The following PCNX2 variants were observed in gnomAD, a reference collection of about 807,000 sequenced individuals.
The protein encoded by PCNX2 is pecanex 2.
A neutral mutation model predicts 223.8 loss-of-function variants in PCNX2; 168 were observed. That is an observed-to-expected ratio of 0.75 (90% CI 0.66 to 0.85). The LOEUF is 0.85. Ranked by LOEUF, PCNX2 falls within the 40% of genes least tolerant of loss-of-function variation. The pLI, the probability that PCNX2 is intolerant of heterozygous loss-of-function variation, is 0.00. For synonymous variants in PCNX2, 1,006 were observed against 1,052.6 expected (o/e 0.96, Z 0.86); for missense variants, 2,507 against 2,675.5 (o/e 0.94, Z 1.39).
intron 1 of PCNX2, chr1:233,291,071 A>G (rs781186941): frequency 2.0e-6 from 2 of 985,376 alleles, no homozygotes; most frequent in Non-Finnish European, 2.4e-6. Flanking sequence ...CAGCCTTCAA[A>G]GTGCTCTTAT....
At position 233,156,200 on chromosome 1, in the gene PCNX2, T is replaced by C. The variant is rs115747383; in HGVS notation, c.3517+4083A>G. Among the ~76,000 whole-genome samples the C allele has an allele frequency of 4.1e-3, 617 of 152,326 alleles. 2 individuals carry two copies. The highest frequency in any genetic ancestry group is 0.014 in the African/African-American group (587 of 41,576). ...AGAATTAAATTGACTAAAAAAGATA[T>C]GTTTCAACATGCAGTCTTCAACTTC... is the stretch of plus-strand genomic sequence containing the variant. On this transcript the variant is annotated intron_variant, in intron 19 of 33. Transcript: ENST00000258229.
intron 21 of PCNX2, among the ~76,000 whole-genome samples, chr1:233,106,599 G>A (rs539695674): frequency 6.6e-6 from 1 of 151,982 alleles, no homozygotes; most frequent in Non-Finnish European, 1.5e-5. Flanking sequence ...TGATCCGCCC[G>A]CCTCAGCCTC....
chr1:233,172,338 T>C (rs938927015), intron 17 of PCNX2: 43 of 984,516 alleles, frequency 4.4e-5, no homozygotes, highest in Non-Finnish European at 4.2e-5. Context: ...CATGAGGCGT[T>C]TCCAATTGGG....
chr1:233,146,225 C>T (rs1677439224), intron 19 of PCNX2, among the ~76,000 whole-genome samples: 1 of 152,104 alleles, frequency 6.6e-6, no homozygotes, highest in Non-Finnish European at 1.5e-5. Context: ...AATCTTCCCA[C>T]TAGATTCTGA....
chr1:233,068,223 T>C (rs1672702727), intron 23 of PCNX2, among the ~76,000 whole-genome samples: 1 of 152,146 alleles, frequency 6.6e-6, no homozygotes, highest in Non-Finnish European at 1.5e-5. Context: ...AGTGAAGATA[T>C]CCTTTTGGAA....
At chr1:233,261,875 A>C (rs1424548871) in intron 3 of PCNX2, among the ~76,000 whole-genome samples, 170 bp downstream of exon 3, 3 of 152,210 alleles carry the variant, frequency 2.0e-5, no homozygotes, top group Non-Finnish European at 4.4e-5. Context: ...TTATGGTCCC[A>C]AGGGCACCCT....
At chr1:233,226,277 G>A (rs1040360523) in intron 10 of PCNX2, among the ~76,000 whole-genome samples, 1 of 151,928 alleles carries the variant, frequency 6.6e-6, no homozygotes, top group South Asian at 2.1e-4. Context: ...TCTTTTTTCT[G>A]GGTGGGGGGG....
intron 1 of PCNX2, among the ~76,000 whole-genome samples, chr1:233,271,642 A>G (rs1012487671): frequency 1.3e-5 from 2 of 152,186 alleles, no homozygotes; most frequent in African/African-American, 4.8e-5. Context: ...TCTTGAGTTG[A>G]TTTTTGTATA....
intron 1 of PCNX2, among the ~76,000 whole-genome samples, chr1:233,283,407 T>A (rs1344732014): frequency 2.6e-5 from 4 of 152,186 alleles, no homozygotes; most frequent in Admixed American, 2.0e-4. Context: ...ACCAAAAGGA[T>A]CATGGCTCCT....
chr1:233,236,957 C>T lies in PCNX2; in HGVS notation c.2246G>A (p.Ser749Asn). The change falls in exon 9 of 34, where the codon AGT becomes AAT. Residue 749 changes from serine (S) to asparagine (N), a missense_variant. Ser to Asn is a conservative substitution (Grantham distance 46, BLOSUM62 1). This residue lies in a region of PCNX2 where 1,031 missense variants were observed against 1,021.7 expected (regional missense o/e 1.01). Coordinates refer to ENST00000258229, the MANE Select transcript of PCNX2 (RefSeq NM_014801.4). Reference protein sequence around the residue: ...QAREMQVSSSSTTTSESQDPS... With the variant: ...QAREMQVSSSNTTTSESQDPS... ...ATCTTGACTCTCAGAAGTTGTGGTACTGGAGGAGCTGACCTGCATCTCTCT... is the reference window on the plus strand; with the variant it reads ...ATCTTGACTCTCAGAAGTTGTGGTATTGGAGGAGCTGACCTGCATCTCTCT... 6.2e-7 allele frequency: 1 copy of T among 1,613,940 alleles called. No homozygotes were observed. Among genetic ancestry groups the T allele is most frequent in the Non-Finnish European group, 8.5e-7 (1 of 1,179,856 alleles).
At chr1:233,244,851 GAGA>G (rs1435424628) in intron 8 of PCNX2, among the ~76,000 whole-genome samples, 2 of 152,190 alleles carry the variant, frequency 1.3e-5, no homozygotes, top group Non-Finnish European at 2.9e-5. Flanking sequence ...CTTATAAAAG[GAGA>G]AGATCACATT....
At chr1:233,213,891 C>T (rs1226046249) in intron 12 of PCNX2, among the ~76,000 whole-genome samples, 1 of 129,886 alleles carries the variant, frequency 7.7e-6, no homozygotes, top group South Asian at 2.5e-4. Flanking sequence ...TGTAGTGGCG[C>T]GATCTTGGCT....
At chr1:233,219,505 T>C (rs551073748) in intron 10 of PCNX2, among the ~76,000 whole-genome samples, 3 of 152,096 alleles carry the variant, frequency 2.0e-5, no homozygotes, top group Non-Finnish European at 4.4e-5. Flanking sequence ...ATTCTGAGTA[T>C]ACTTCTCACC....
chr1:233,245,881 A>C (rs945524981), intron 8 of PCNX2, among the ~76,000 whole-genome samples: 1 of 152,172 alleles, frequency 6.6e-6, no homozygotes, highest in African/African-American at 2.4e-5. Flanking sequence ...GCGCCACTGC[A>C]CTCCAGACTG....
rs1662014279 is a variant in PCNX2, at chr1:233,295,297, C to G, written c.153+29G>C. ...CTCCTTCTTCCCTCCATACCCACAGCTCCCCGGGACCGGACCCTCCCCACT... is the reference window on the plus strand; with the variant it reads ...CTCCTTCTTCCCTCCATACCCACAGGTCCCCGGGACCGGACCCTCCCCACT... On this transcript the variant is annotated intron_variant, in intron 1 of 33. Transcript: ENST00000258229. The surrounding 1 kb of genome is among the most constrained non-coding windows in gnomAD (Gnocchi z 4.1). 1.3e-6 allele frequency: 2 copies of G among 1,567,508 alleles called. No individual in the cohort carries two copies. The highest frequency in any genetic ancestry group is 1.4e-5 in the African/African-American group (1 of 73,702).
rs188482918 is a variant in PCNX2, at chr1:232,986,133, C to T, written c.6199G>A (p.Val2067Met). 183 of 1,569,612 alleles carry T rather than the reference C, an allele frequency of 1.2e-4. No homozygotes were observed. Among genetic ancestry groups the T allele is most frequent in the Middle Eastern group, 1.7e-4 (1 of 5,938 alleles). The change falls in exon 33 of 34, where the codon GTG becomes ATG. Residue 2067 changes from valine to methionine, a missense_variant. Physicochemically the swap from Val to Met is conservative, Grantham distance 21 (BLOSUM62 1). Transcript: ENST00000258229. ...GCAGCCCTGGCTGAGGGGCCCATCA[C>T]GATGTTGACGCTGCTGGATGACTGG... The part of the protein sequence containing the change: ...DTQSSSSVNI[V>M]MGPSARAASQ...
rs1224700205 is a variant in PCNX2, at chr1:233,262,123, A to G, written c.402T>C (p.Ser134=). ...QIHNGKKEEA[S]RNLSTPPLRC... Reference sequence around the variant, plus strand: ...GGAGGGGAGGCGTGGAGAGGTTTCGACTGGCCTCTTCCTTTTTGCCATTGT... The same window carrying G: ...GGAGGGGAGGCGTGGAGAGGTTTCGGCTGGCCTCTTCCTTTTTGCCATTGT... Residue 134 remains serine, a synonymous_variant, in exon 3 of 34, where the codon AGT becomes AGC. Transcript: ENST00000258229. 1.2e-6 allele frequency: 2 copies of G among 1,613,700 alleles called. No homozygotes were observed. Among genetic ancestry groups the G allele is most frequent in the Non-Finnish European group, 1.7e-6 (2 of 1,179,796 alleles).
rs1232168415 is a variant in PCNX2 at position 233,239,440 on chromosome 1, A to G, written c.2223-2460T>C. 2.6e-5 allele frequency among the ~76,000 whole-genome samples: 4 copies of G among 152,180 alleles called. No individual in the cohort carries two copies. The East Asian group carries it at 7.7e-4, about 29-fold the overall frequency. On this transcript the variant is annotated intron_variant, in intron 8 of 33. Coordinates refer to ENST00000258229, the MANE Select transcript of PCNX2 (RefSeq NM_014801.4). ...AGATTGTAAAATAATAATAATAATA[A>G]ACATCATTTTCCTATATAAGCCATT...
intron 26 of PCNX2, among the ~76,000 whole-genome samples, chr1:233,022,697 T>C (rs1282554183): frequency 3.4e-5 from 2 of 58,846 alleles, no homozygotes; most frequent in Non-Finnish European, 5.8e-5. Context: ...TTTTCTTTCT[T>C]TTTTTTTTTT....
Sources: allele counts gnomAD v4.1 joint callset (sites outside exome capture counted in the v4.1 genomes callset), GRCh38; gene constraint gnomAD v4.1.1; regional missense constraint gnomAD v4.1.1; non-coding constraint Gnocchi (gnomAD v3.1); transcripts MANE v1.5; gene names NCBI Gene and HGNC (gene_info 2026-07-23, HGNC 2026-07-21).